Variants in DNER observed in about 807,000 individuals in gnomAD.
DNER encodes delta/notch like EGF repeat containing.
DNER carries 33 observed loss-of-function variants against 78.2 expected under a neutral mutation model. The ratio of observed to expected loss-of-function variants is 0.42; its 90% CI spans 0.32 to 0.56. The LOEUF is 0.56. Ranked by LOEUF, DNER falls within the 20% of genes least tolerant of loss-of-function variation. DNER has a pLI of 0.11. For missense variants in DNER, 918 were observed against 975.3 expected, an observed-to-expected ratio of 0.94 and a Z score of 0.78; for synonymous variants, 417 against 384.8, an observed-to-expected ratio of 1.08 and a Z score of -0.98.
chr2:229,674,499 G>A (rs1056688304), intron 1 of DNER, among the ~76,000 whole-genome samples: 4 of 152,098 alleles, frequency 2.6e-5, no homozygotes, highest in South Asian at 2.1e-4. Flanking sequence ...GGCTGGCCTC[G>A]AACTCCTGAC....
chr2:229,553,633 T>A (rs1696791759), intron 4 of DNER, among the ~76,000 whole-genome samples: 2 of 152,330 alleles, frequency 1.3e-5, no homozygotes, highest in South Asian at 4.1e-4. Context: ...CCAGCGCAGG[T>A]GGGTTCCTAA....
intron 1 of DNER, among the ~76,000 whole-genome samples, chr2:229,668,188 T>A (rs1032816072): frequency 6.6e-6 from 1 of 152,052 alleles, no homozygotes; most frequent in African/African-American, 2.4e-5. Flanking sequence ...AGGGGAGATG[T>A]TACCATTTCA....
chr2:229,649,601 G>GC (rs771940068), intron 1 of DNER, among the ~76,000 whole-genome samples: 10 of 152,204 alleles, frequency 6.6e-5, no homozygotes, highest in Non-Finnish European at 1.5e-4. Flanking sequence ...CACACCTGAT[G>GC]CTAGCTAAGA....
In DNER at chr2:229,528,678, G is replaced by A. The variant is rs909746658; in HGVS notation, c.994-15742C>T. ...AGCCCATGCTGACATCACCTGGACCGAGGACAGGAACACATAAATATTTGC... is the reference window on the plus strand; with the variant it reads ...AGCCCATGCTGACATCACCTGGACCAAGGACAGGAACACATAAATATTTGC... On this transcript the variant is annotated intron_variant, in intron 5 of 12. Transcript: ENST00000341772. Among the ~76,000 whole-genome samples, 16 of 152,040 alleles carry A rather than the reference G, an allele frequency of 1.1e-4. 1 individual carries two copies. Among genetic ancestry groups the A allele is most frequent in the South Asian group, 1.0e-3 (5 of 4,822 alleles).
At chr2:229,684,161 AGAGAGAGAGTGT>A (rs1320646878) in intron 1 of DNER, among the ~76,000 whole-genome samples, 24 of 135,344 alleles carry the variant, frequency 1.8e-4, no homozygotes, top group African/African-American at 5.5e-4. Flanking sequence ...AGAGAGAGAG[AGAGAGAGAGTGT>A]GTGTGTGTGT....
chr2:229,703,641 G>A (rs1699785399), intron 1 of DNER, among the ~76,000 whole-genome samples: 1 of 152,226 alleles, frequency 6.6e-6, no homozygotes, highest in African/African-American at 2.4e-5. Flanking sequence ...CACTTTGAGA[G>A]GCCAAGGTGG....
chr2:229,646,811 A>G (rs1171982582), intron 1 of DNER, among the ~76,000 whole-genome samples: 1 of 152,282 alleles, frequency 6.6e-6, no homozygotes, highest in Non-Finnish European at 1.5e-5. Context: ...GCAGGAGGCC[A>G]GAGACAATAG....
chr2:229,481,694 TA>T (rs908791835), intron 6 of DNER, among the ~76,000 whole-genome samples: 4 of 152,212 alleles, frequency 2.6e-5, no homozygotes, highest in African/African-American at 9.6e-5. Flanking sequence ...TCCATCCTGC[TA>T]AAAGTCAAAC....
At chr2:229,643,469 T>A (rs1698663150) in intron 1 of DNER, among the ~76,000 whole-genome samples, 1 of 152,200 alleles carries the variant, frequency 6.6e-6, no homozygotes, top group Admixed American at 6.5e-5. Flanking sequence ...TGCCCAGTCT[T>A]GAACTGGGAG....
At chr2:229,366,398 C>T (rs1012264636) in intron 12 of DNER, among the ~76,000 whole-genome samples, 1 of 152,194 alleles carries the variant, frequency 6.6e-6, no homozygotes, top group African/African-American at 2.4e-5. Flanking sequence ...AACTCCTTGT[C>T]CCTCTGGAGT....
intron 11 of DNER, among the ~76,000 whole-genome samples, chr2:229,367,530 G>A (rs1692378420): frequency 6.6e-6 from 1 of 152,132 alleles, no homozygotes; most frequent in African/African-American, 2.4e-5. Flanking sequence ...GAACTCGGGA[G>A]GCGGAGGTTG....
At chr2:229,390,885 A>G (rs1692999430) in intron 10 of DNER, among the ~76,000 whole-genome samples, 1 of 152,188 alleles carries the variant, frequency 6.6e-6, no homozygotes. Context: ...CTATGCATCT[A>G]GTTGAATCAG....
At chr2:229,372,904 A>T (rs549403278) in intron 11 of DNER, among the ~76,000 whole-genome samples, 1 of 152,132 alleles carries the variant, frequency 6.6e-6, no homozygotes, top group Non-Finnish European at 1.5e-5. Flanking sequence ...CAGGAGGCCA[A>T]TTCCTGGTTT....
At chr2:229,648,827 A>G (rs1168545897) in intron 1 of DNER, among the ~76,000 whole-genome samples, 1 of 152,204 alleles carries the variant, frequency 6.6e-6, no homozygotes, top group Non-Finnish European at 1.5e-5. Flanking sequence ...GCTAATAGAC[A>G]TTTCTCTGAA....
At chr2:229,706,410 A>AG (rs1203513455) in intron 1 of DNER, among the ~76,000 whole-genome samples, 1 of 151,650 alleles carries the variant, frequency 6.6e-6, no homozygotes, top group Non-Finnish European at 1.5e-5. Context: ...AAAAAAAAAA[A>AG]AAATTAGCCG....
Position 229,367,104 on chromosome 2 carries a change from G to T in DNER, c.1871C>A (p.Ser624Tyr). Residue 624 changes from serine (S) to tyrosine (Y), a missense_variant, in exon 12 of 13, where the codon TCC becomes TAC. Transcript: ENST00000341772. Reference protein sequence around the residue: ...ANCEIHLQWKSGHMAESLTNM... With the variant: ...ANCEIHLQWKYGHMAESLTNM... Reference sequence around the variant, plus strand: ...GGTGAGGCTCTCCGCCATGTGCCCGGACTTCCATTGGAGGTCTGCAGGCAA... The same window carrying T: ...GGTGAGGCTCTCCGCCATGTGCCCGTACTTCCATTGGAGGTCTGCAGGCAA... 1.2e-6 allele frequency: 2 copies of T among 1,614,140 alleles called. No individual in the cohort carries two copies. The highest frequency in any genetic ancestry group is 2.2e-5 in the East Asian group (1 of 44,864).
chr2:229,470,786 G>T (rs190825773), intron 7 of DNER, among the ~76,000 whole-genome samples: 3 of 152,272 alleles, frequency 2.0e-5, no homozygotes, highest in Non-Finnish European at 4.4e-5. Context: ...GGAAGCGGAG[G>T]TTACAGTGAG....
At chr2:229,710,126 A>G (rs1310512095) in intron 1 of DNER, among the ~76,000 whole-genome samples, 2 of 152,220 alleles carry the variant, frequency 1.3e-5, no homozygotes, top group Admixed American at 1.3e-4. Flanking sequence ...TCTAAGGTGA[A>G]GGTTCCTGGT....
chr2:229,605,220 A>G (rs1169044464), intron 1 of DNER, among the ~76,000 whole-genome samples: 1 of 152,206 alleles, frequency 6.6e-6, no homozygotes, highest in African/African-American at 2.4e-5. Context: ...TGAAGCAGAG[A>G]AACAAGGATG....
Sources: gnomAD v4.1 joint callset for allele counts (sites outside exome capture counted in the v4.1 genomes callset) on GRCh38, gnomAD v4.1.1 for gene constraint, MANE v1.5 for transcripts, NCBI Gene and HGNC (gene_info 2026-07-23, HGNC 2026-07-21) for gene names.